The following EXOC6 variants were observed in gnomAD, a reference collection of about 807,000 sequenced individuals.
The protein encoded by EXOC6 is SEC15-like 1.
Under a neutral mutation model 112.5 loss-of-function variants are expected in EXOC6, and 60 were observed. The observed-to-expected ratio is 0.53, with a 90% CI of 0.43 to 0.66. EXOC6 has a LOEUF of 0.66. Among genes scored for constraint, EXOC6 ranks in the 30% least tolerant of loss-of-function variants. The probability of loss-of-function intolerance (pLI) is 0.00; values close to 1 mark genes in which losing one functional copy is unlikely to be tolerated. For missense variants in EXOC6, 855 were observed against 957.1 expected (o/e 0.89, Z 1.41); for synonymous variants, 295 against 308.0 (o/e 0.96, Z 0.44).
At chr10:93,047,587 A>C (rs771538910) in intron 20 of EXOC6, among the ~76,000 whole-genome samples, 2 of 152,040 alleles carry the variant, frequency 1.3e-5, no homozygotes, top group Non-Finnish European at 2.9e-5. Flanking sequence ...AAGGTGGAAG[A>C]AAGTAAATAC....
intron 8 of EXOC6, among the ~76,000 whole-genome samples, chr10:92,928,019 C>T (rs1476965717): frequency 6.6e-6 from 1 of 152,120 alleles, no homozygotes; most frequent in Non-Finnish European, 1.5e-5. Context: ...GGCTTTGAAG[C>T]TAATCTTTCA....
chr10:92,975,648 C>T (rs1177372398), intron 18 of EXOC6, among the ~76,000 whole-genome samples: 5 of 131,402 alleles, frequency 3.8e-5, no homozygotes, highest in Admixed American at 7.2e-5. Flanking sequence ...CCAGCCACCC[C>T]GTCCGGGAGG....
intron 1 of EXOC6, among the ~76,000 whole-genome samples, chr10:92,887,169 C>T (rs1454774726): frequency 6.6e-6 from 1 of 152,162 alleles, no homozygotes; most frequent in Non-Finnish European, 1.5e-5. Flanking sequence ...TTCTGCTATA[C>T]ATACTGTGTC....
At chr10:92,929,468 C>T (rs1177503337) in intron 9 of EXOC6, among the ~76,000 whole-genome samples, 1 of 152,134 alleles carries the variant, frequency 6.6e-6, no homozygotes, top group African/African-American at 2.4e-5. Flanking sequence ...GAGCAATTCA[C>T]AGTCAGAAAT....
At chr10:92,983,713 G>GC (rs2134130774) in intron 18 of EXOC6, among the ~76,000 whole-genome samples, 2 of 152,022 alleles carry the variant, frequency 1.3e-5, no homozygotes, top group South Asian at 4.1e-4. Context: ...CACTGTTTTG[G>GC]CCAGGCTGGT....
chr10:93,035,948 C>T (rs7068500), intron 20 of EXOC6, among the ~76,000 whole-genome samples: 52,844 of 151,792 alleles, frequency 0.35, 10,433 homozygotes, highest in East Asian at 0.78. Context: ...AGGCCGGGCA[C>T]GGTGGCTCAC....
chr10:92,936,007 C>A, intron 12 of EXOC6, 122 bp downstream of exon 12: 1 of 611,498 alleles, frequency 1.6e-6, no homozygotes, highest in Non-Finnish European at 2.8e-6. Context: ...AAATGTTTAC[C>A]TACATATTGA....
At chr10:93,019,700 C>T (rs1844694003) in intron 20 of EXOC6, among the ~76,000 whole-genome samples, 1 of 152,082 alleles carries the variant, frequency 6.6e-6, no homozygotes, top group African/African-American at 2.4e-5. Flanking sequence ...GTACCCTATC[C>T]ACACAGTTCC....
At position 93,010,700 on chromosome 10, in the gene EXOC6, TAA is replaced by T. The variant is rs538429286; in HGVS notation, c.2096-3476_2096-3475del. 6.8e-3 allele frequency among the ~76,000 whole-genome samples: 895 copies of T among 131,630 alleles called. 8 individuals are homozygous for T. The highest frequency in any genetic ancestry group is 0.023 in the African/African-American group (826 of 35,770). The allele number at this position is 131,630 out of a possible 152,430, so 86.4% of individuals were successfully genotyped here. On this transcript the variant is annotated intron_variant, in intron 19 of 21. Transcript: ENST00000260762. The stretch of plus-strand genomic sequence containing the variant: ...GATGACAAAGCAAGACTCCATCTCT[TAA>T]AAAAAAAAAAAAAAAAATGGACTCG...
intron 1 of EXOC6, among the ~76,000 whole-genome samples, chr10:92,827,947 A>G (rs942193581): frequency 6.6e-6 from 1 of 152,124 alleles, no homozygotes; most frequent in Non-Finnish European, 1.5e-5. Flanking sequence ...GCTATGGCCC[A>G]TTAGCTCCCC....
At chr10:92,891,512 C>T (rs1035378870) in intron 1 of EXOC6, among the ~76,000 whole-genome samples, 1 of 152,144 alleles carries the variant, frequency 6.6e-6, no homozygotes, top group Non-Finnish European at 1.5e-5. Context: ...GACGGAGTTT[C>T]ACTCTGTCAC....
At chr10:92,862,813 G>A (rs776597894) in intron 1 of EXOC6, among the ~76,000 whole-genome samples, 3 of 152,176 alleles carry the variant, frequency 2.0e-5, no homozygotes, top group Admixed American at 2.0e-4. Context: ...TGGTGGTTGA[G>A]AATATGCTGC....
At chr10:92,962,015 A>G (rs1009902791) in intron 17 of EXOC6, among the ~76,000 whole-genome samples, 1 of 152,184 alleles carries the variant, frequency 6.6e-6, no homozygotes, top group East Asian at 1.9e-4. Context: ...GAATTAGAGG[A>G]GTAGTTAGTT....
chr10:92,997,384 G>T, intron 18 of EXOC6, 90 bp from the exon 19 acceptor site: 1 of 1,262,338 alleles, frequency 7.9e-7, no homozygotes, highest in Non-Finnish European at 1.1e-6. Flanking sequence ...GCAACAAAAA[G>T]AATGCCAGGT....
At chr10:92,842,440 GTCA>G (rs137992222) in intron 1 of EXOC6, among the ~76,000 whole-genome samples, 4,440 of 147,696 alleles carry the variant, frequency 0.03, 162 homozygotes, top group East Asian at 0.14. Flanking sequence ...AATGTCAGCT[GTCA>G]TCATCATCAT....
rs550167949 is a variant in EXOC6, at chr10:93,056,817, A to G, written c.2170-107A>G. On this transcript the variant is annotated intron_variant, in intron 20 of 21. Transcript: ENST00000260762. The stretch of plus-strand genomic sequence containing the variant: ...AAAATGAATTTCCGTATTCTGTTCC[A>G]TCTAAGAAGCAAGCCATATTAAAAT... The G allele has an allele frequency of 3.5e-5, 23 of 654,386 alleles. No homozygotes were observed. In the East Asian group the frequency reaches 3.9e-4, roughly 11 times the overall value. 40.5% of individuals were successfully genotyped at this position (654,386 alleles called of 1,614,324 possible). A position where few individuals can be genotyped will look rare whatever the true frequency, so the allele number is the denominator to read the frequency against.
Position 92,909,530 on chromosome 10 carries a change from C to T in EXOC6, c.562C>T (p.Leu188Phe). The T allele has an allele frequency of 6.2e-7, 1 of 1,613,204 alleles. No individual in the cohort carries two copies. Among genetic ancestry groups the T allele is most frequent in the South Asian group, 1.1e-5 (1 of 91,046 alleles). The change falls in exon 6 of 22, where the codon CTC becomes TTC. Residue 188 changes from leucine (L) to phenylalanine (F), a missense_variant. Transcript: ENST00000260762. ...GCTCATGATAGAAAATCTTCCCAAA[C>T]TCCGTGAGGATATTAAAGAAATCTC... ...CQLMIENLPK[L>F]REDIKEISMS...
intron 18 of EXOC6, among the ~76,000 whole-genome samples, chr10:92,984,846 A>G (rs888828271): frequency 6.6e-6 from 1 of 152,108 alleles, no homozygotes; most frequent in African/African-American, 2.4e-5. Flanking sequence ...AAAAATACAA[A>G]AAATCAGCCG....
intron 20 of EXOC6, among the ~76,000 whole-genome samples, chr10:93,018,934 T>C (rs1048394000): frequency 6.6e-6 from 1 of 151,978 alleles, no homozygotes; most frequent in Non-Finnish European, 1.5e-5. Context: ...ATCATACCAC[T>C]GGACTAGGTA....
Sources: allele counts gnomAD v4.1 joint callset (sites outside exome capture counted in the v4.1 genomes callset), GRCh38; gene constraint gnomAD v4.1.1; transcripts MANE v1.5; gene names NCBI Gene and HGNC (gene_info 2026-07-23, HGNC 2026-07-21).